Variants in MKI67 observed in about 807,000 individuals in gnomAD.
MKI67 encodes the protein marker of proliferation Ki-67.
Under a neutral mutation model 233.5 loss-of-function variants are expected in MKI67, and 152 were observed. That is an observed-to-expected ratio of 0.65 (90% CI 0.57 to 0.74). MKI67 has a LOEUF of 0.74. Among genes scored for constraint, MKI67 ranks in the 30% least tolerant of loss-of-function variants. The probability of loss-of-function intolerance (pLI) is 0.00; values close to 1 mark genes in which losing one functional copy is unlikely to be tolerated. For synonymous variants in MKI67, 1,465 were observed against 1,418.5 expected (o/e 1.03, Z -0.74); for missense variants, 3,940 against 3,885.2 (o/e 1.01, Z -0.37).
At position 128,125,208 on chromosome 10, in the gene MKI67, TTC is replaced by T. The variant is rs1440617457; in HGVS notation, c.92+366_92+367del. On this transcript the variant is annotated intron_variant, in intron 2 of 14. Coordinates refer to ENST00000368654, the MANE Select transcript of MKI67 (RefSeq NM_002417.5). This position sits in a 1 kb window ranked among gnomAD's most constrained non-coding sequence, Gnocchi z 5.3. ...ACAAGTGTATGGCTTCCTTCCTTCA[TTC>T]TCTGTGTCCCCAGTGGCCAGGGATG... Among the ~76,000 whole-genome samples, 1 of 152,184 alleles carries T rather than the reference TTC, an allele frequency of 6.6e-6. No individual in the cohort carries two copies. Among genetic ancestry groups the T allele is most frequent in the Non-Finnish European group, 1.5e-5 (1 of 68,022 alleles).
In MKI67 at chr10:128,097,561, T is replaced by G. The variant is rs1271391442; in HGVS notation, c.*1629A>C. The stretch of plus-strand genomic sequence containing the variant: ...ATGAAATTTTTCTATGTGAGGTTCA[T>G]AATTACTACTAAGTCTAAAGTGTTA... On this transcript the variant is annotated 3_prime_UTR_variant, in exon 15 of 15. Transcript: ENST00000368654. The G allele has an allele frequency of 6.6e-6, 1 of 152,190 alleles. No homozygotes were observed. The highest frequency in any genetic ancestry group is 1.9e-4 in the East Asian group (1 of 5,194). The allele number at this position is 152,190 out of a possible 1,614,324, so 9.4% of individuals were successfully genotyped here.
chr10:128,100,424 T>C (rs1852313529), intron 14 of MKI67, among the ~76,000 whole-genome samples: 1 of 152,210 alleles, frequency 6.6e-6, no homozygotes, highest in African/African-American at 2.4e-5. Flanking sequence ...TCTGGACAGC[T>C]GTACTTGCCA....
At position 128,106,840 on chromosome 10, in the gene MKI67, G is replaced by C. The variant is rs1425531326; in HGVS notation, c.5000C>G (p.Thr1667Arg). The change falls in exon 13 of 15, where the codon ACA (threonine) becomes AGA (arginine). Residue 1667 changes from threonine (T) to arginine (R), a missense_variant. Physicochemically the swap from Thr to Arg is moderately conservative, Grantham distance 71 (BLOSUM62 -1). Coordinates refer to ENST00000368654, the MANE Select transcript of MKI67 (RefSeq NM_002417.5). ...TGCTTTCATGCTCTTACCATCTCCT[G>C]TTGGCTCTGTGTGTGTGTGTGTAGT... ...GETTHTHTEP[T>R]GDGKSMKAFM... is the part of the protein sequence containing the mutation. 5 of 1,614,108 alleles carry C rather than the reference G, an allele frequency of 3.1e-6. No individual in the cohort carries two copies. Among genetic ancestry groups the C allele is most frequent in the East Asian group, 2.2e-5 (1 of 44,878 alleles).
At chr10:128,113,640 A>G (rs757556841) in intron 7 of MKI67, 38 bp from the exon 8 acceptor site, 1 of 1,573,812 alleles carries the variant, frequency 6.4e-7, no homozygotes, top group Admixed American at 1.7e-5. Context: ...GAGCAATGAA[A>G]AAACATACCA....
chr10:128,119,547 C>T (rs1852887003), intron 4 of MKI67, among the ~76,000 whole-genome samples: 1 of 152,136 alleles, frequency 6.6e-6, no homozygotes, highest in African/African-American at 2.4e-5. Flanking sequence ...GGCTGGGGAC[C>T]CAGATTAACT....
rs1852415707 is a variant in MKI67, at chr10:128,104,177, C to T, written c.7663G>A (p.Ala2555Thr). 6.2e-7 allele frequency: 1 copy of T among 1,613,800 alleles called. No homozygotes were observed. The highest frequency in any genetic ancestry group is 8.5e-7 in the Non-Finnish European group (1 of 1,179,998). The change falls in exon 13 of 15, where the codon GCT (alanine) becomes ACT (threonine). Residue 2555 changes from alanine to threonine, a missense_variant. Ala to Thr is a moderately conservative substitution (Grantham distance 58). Transcript: ENST00000368654. ...TTGAAGTCAACCAGGTCTTCTAGAG[C>T]ACGGGCCTTTTCCTTACGAGTTCTC... Reference protein sequence around the residue: ...QLRTRKEKARALEDLVDFKEL... With the variant: ...QLRTRKEKARTLEDLVDFKEL...
Position 128,106,805 on chromosome 10 carries a change from A to G in MKI67, c.5035T>C (p.Ser1679Pro). 1 of 1,611,712 alleles carries G rather than the reference A, an allele frequency of 6.2e-7. No homozygotes were observed. The highest frequency in any genetic ancestry group is 1.3e-5 in the African/African-American group (1 of 74,174). Reference sequence around the variant, plus strand: ...GCTGAGTCTAAGATCTGCTTTGGAGACTCCATAAATGCTTTCATGCTCTTA... The same window carrying G: ...GCTGAGTCTAAGATCTGCTTTGGAGGCTCCATAAATGCTTTCATGCTCTTA... ...DGKSMKAFMESPKQILDSAAS... is the reference protein window; with the variant it reads ...DGKSMKAFMEPPKQILDSAAS... The change falls in exon 13 of 15, where the codon TCT becomes CCT. Residue 1679 changes from serine to proline, a missense_variant. Physicochemically the swap from Ser to Pro is moderately conservative, Grantham distance 74. Transcript: ENST00000368654.
rs748411940 is a variant in MKI67, at chr10:128,107,915, T to C, written c.3925A>G (p.Ile1309Val). The change falls in exon 13 of 15, where the codon ATC becomes GTC. Residue 1309 changes from isoleucine to valine, a missense_variant. Coordinates refer to ENST00000368654, the MANE Select transcript of MKI67 (RefSeq NM_002417.5). ...ACTGGAGTTCCCACAAATATGATGA[T>C]GTCTTTCTCTTCACCTACTGATGGT... ...PKPSVGEEKDIIIFVGTPVQK... is the reference protein window; with the variant it reads ...PKPSVGEEKDVIIFVGTPVQK... 13 of 1,613,506 alleles carry C rather than the reference T, an allele frequency of 8.1e-6. No homozygotes were observed. In the East Asian group the frequency reaches 1.6e-4, roughly 19 times the overall value.
At chr10:128,114,447 C>CT (rs1250341196) in intron 7 of MKI67, among the ~76,000 whole-genome samples, 17 of 152,142 alleles carry the variant, frequency 1.1e-4, no homozygotes, top group African/African-American at 4.1e-4. Flanking sequence ...TGGGTACAGT[C>CT]CAGTGTTTAC....
rs143354291 is a variant in MKI67 at position 128,103,939 on chromosome 10, TTG to T, written c.7899_7900del (p.His2633GlnfsTer7). 4 of 1,613,276 alleles carry T rather than the reference TTG, an allele frequency of 2.5e-6. No individual in the cohort carries two copies. Among genetic ancestry groups the T allele is most frequent in the Non-Finnish European group, 8.5e-7 (1 of 1,179,592 alleles). On this transcript the variant is annotated frameshift_variant, in exon 13 of 15. Coordinates refer to ENST00000368654, the MANE Select transcript of MKI67 (RefSeq NM_002417.5). LOFTEE classifies it high-confidence loss of function. The stretch of plus-strand genomic sequence containing the variant: ...GCCCTCATCACCGCTTGCTGGTTCT[TTG>T]TGTGTGTGTGTGCTTTGCCCTGATG...
At position 128,125,153 on chromosome 10, in the gene MKI67, C is replaced by T. The variant is rs1853028071; in HGVS notation, c.92+423G>A. On this transcript the variant is annotated intron_variant, in intron 2 of 14. Coordinates refer to ENST00000368654, the MANE Select transcript of MKI67 (RefSeq NM_002417.5). The surrounding 1 kb of genome is among the most constrained non-coding windows in gnomAD (Gnocchi z 5.3). The stretch of plus-strand genomic sequence containing the variant: ...TTCCAGGCAGGAAGACTTTCTGTCC[C>T]ATTTTCCTATTGCCACAAGGAGCCA... Among the ~76,000 whole-genome samples the T allele has an allele frequency of 6.6e-6, 1 of 152,160 alleles. No homozygotes were observed. The highest frequency in any genetic ancestry group is 2.4e-5 in the African/African-American group (1 of 41,448).
In MKI67 at chr10:128,104,918, C is replaced by T; in HGVS notation, c.6922G>A (p.Glu2308Lys). 6.2e-7 allele frequency: 1 copy of T among 1,611,632 alleles called. No individual in the cohort carries two copies. Residue 2308 changes from glutamate to lysine, a missense_variant, in exon 13 of 15, where the codon GAA becomes AAA. Glu to Lys is a moderately conservative substitution (Grantham distance 56). Transcript: ENST00000368654. ...GSKRWPQTPK[E>K]KAQALEDLAG... ...AGGTCTTCTAGAGCCTGGGCCTTTT[C>T]CTTAGGAGTTTGTGGCCATCTTTTG...
chr10:128,122,959 T>C lies in MKI67; in HGVS notation c.209A>G (p.Gln70Arg), dbSNP rs1339960727. 6.2e-7 allele frequency: 1 copy of C among 1,608,814 alleles called. No homozygotes were observed. The highest frequency in any genetic ancestry group is 8.5e-7 in the Non-Finnish European group (1 of 1,175,870). ...CTCATCAATAACAGACCCATTTACT[T>C]GTGTTGGATTTGTGGAACTGAAATT... ...LHNFSSTNPT[Q>R]VNGSVIDEPV... is the part of the protein sequence containing the mutation. Residue 70 changes from glutamine to arginine, a missense_variant, in exon 4 of 15, where the codon CAA becomes CGA. Transcript: ENST00000368654.
chr10:128,104,275 A>G lies in MKI67; in HGVS notation c.7565T>C (p.Ile2522Thr). 1 of 1,613,990 alleles carries G rather than the reference A, an allele frequency of 6.2e-7. No individual in the cohort carries two copies. The highest frequency in any genetic ancestry group is 8.5e-7 in the Non-Finnish European group (1 of 1,180,004). The part of the protein sequence containing the change: ...HTEPTGDSKS[I>T]KAFKESPKQI... The stretch of plus-strand genomic sequence containing the variant: ...CTTTGGAGACTCCTTAAACGCTTTG[A>G]TGCTCTTACTATCTCCTGTTGGCTC... The change falls in exon 13 of 15, where the codon ATC (isoleucine) becomes ACC (threonine). Residue 2522 changes from isoleucine (I) to threonine (T), a missense_variant. By Grantham distance (89) the Ile-to-Thr change is moderately conservative. Coordinates refer to ENST00000368654, the MANE Select transcript of MKI67 (RefSeq NM_002417.5).
Position 128,106,020 on chromosome 10 carries a change from C to A in MKI67, c.5820G>T (p.Arg1940=), listed in dbSNP as rs772402619. Residue 1940 remains arginine (R), a synonymous_variant, in exon 13 of 15, where the codon CGG becomes CGT. Coordinates refer to ENST00000368654, the MANE Select transcript of MKI67 (RefSeq NM_002417.5). The stretch of plus-strand genomic sequence containing the variant: ...TGGCCTTTTCTTTAGGAGTTTGTGG[C>A]CGTCTCTTGCTGCCAGGTAAATTTC... ...LLGNLPGSKR[R]PQTPKEKAKA... 1 of 1,614,164 alleles carries A rather than the reference C, an allele frequency of 6.2e-7. No homozygotes were observed. Among genetic ancestry groups the A allele is most frequent in the Admixed American group, 1.7e-5 (1 of 60,006 alleles).
intron 3 of MKI67, 31 bp downstream of exon 3, chr10:128,123,060 T>G (rs754152590): frequency 1.2e-6 from 2 of 1,601,810 alleles, no homozygotes; most frequent in South Asian, 1.1e-5. Context: ...CTAAAAAGCT[T>G]TAAAAGTAGA....
At position 128,107,120 on chromosome 10, in the gene MKI67, G is replaced by A. The variant is rs764163792; in HGVS notation, c.4720C>T (p.Arg1574Trp). ...GCCTTTTCCTTAGGAGTTTGTAGCC[G>A]TCTCTTGCTGCCAGTTAAGTTCTCT... ...LTENLTGSKR[R>W]LQTPKEKAQA... Residue 1574 changes from arginine (R) to tryptophan (W), a missense_variant, in exon 13 of 15, where the codon CGG becomes TGG. By Grantham distance (101) the Arg-to-Trp change is moderately radical (BLOSUM62 -3). Coordinates refer to ENST00000368654, the MANE Select transcript of MKI67 (RefSeq NM_002417.5). 2.9e-5 allele frequency: 46 copies of A among 1,612,696 alleles called. No homozygotes were observed. The highest frequency in any genetic ancestry group is 8.1e-5 in the African/African-American group (6 of 74,438).
rs1214679898 is a variant in MKI67, at chr10:128,099,005, G to A, written c.*185C>T. Reference sequence around the variant, plus strand: ...CCGGTGTTCAACTATTCTCAGTCCAGGAGCCCAGCAGTGCTCCCAGTGGAG... The same window carrying A: ...CCGGTGTTCAACTATTCTCAGTCCAAGAGCCCAGCAGTGCTCCCAGTGGAG... On this transcript the variant is annotated 3_prime_UTR_variant, in exon 15 of 15. Transcript: ENST00000368654. 1.2e-5 allele frequency: 6 copies of A among 500,014 alleles called. No homozygotes were observed. Among genetic ancestry groups the A allele is most frequent in the Non-Finnish European group, 2.1e-5 (6 of 283,630 alleles). 31.0% of individuals were successfully genotyped at this position (500,014 alleles called of 1,614,324 possible). A position where few individuals can be genotyped will look rare whatever the true frequency, so the allele number is the denominator to read the frequency against.
chr10:128,114,856 A>G (rs1852763087), intron 7 of MKI67, 72 bp downstream of exon 7: 2 of 1,383,906 alleles, frequency 1.4e-6, no homozygotes, highest in Admixed American at 2.3e-5. Context: ...CTACTGAAAG[A>G]ATGAAGGTCT....
Sources: allele counts gnomAD v4.1 joint callset (sites outside exome capture counted in the v4.1 genomes callset), GRCh38; gene constraint gnomAD v4.1.1; non-coding constraint Gnocchi (gnomAD v3.1); transcripts MANE v1.5; gene names NCBI Gene and HGNC (gene_info 2026-07-23, HGNC 2026-07-21).